Variants in ANTXR2 observed in about 807,000 individuals in gnomAD.
ANTXR2 encodes the protein anthrax toxin receptor 2.
Under a neutral mutation model 73.7 loss-of-function variants are expected in ANTXR2, and 44 were observed. That is an observed-to-expected ratio of 0.60 (90% confidence interval 0.47 to 0.77). ANTXR2 has a LOEUF of 0.77. ANTXR2 is among the 30% of genes least tolerant of loss of function. The probability of loss-of-function intolerance (pLI) is 0.00; values close to 1 mark genes in which losing one functional copy is unlikely to be tolerated. For synonymous variants in ANTXR2, 217 were observed against 205.9 expected, an observed-to-expected ratio of 1.05 and a Z score of -0.46; for missense variants, 604 against 592.5, an observed-to-expected ratio of 1.02 and a Z score of -0.20.
At chr4:80,029,631 G>A (rs1255755693) in intron 10 of ANTXR2, among the ~76,000 whole-genome samples, 1 of 151,722 alleles carries the variant, frequency 6.6e-6, no homozygotes, top group Non-Finnish European at 1.5e-5. Flanking sequence ...AATTGGCTTT[G>A]GAGAAAAAAT....
chr4:79,979,751 G>A (rs1017760945), intron 14 of ANTXR2, among the ~76,000 whole-genome samples: 2 of 151,914 alleles, frequency 1.3e-5, no homozygotes, highest in East Asian at 1.9e-4. Context: ...TCATCACCTG[G>A]ATAAACTAAC....
intron 12 of ANTXR2, among the ~76,000 whole-genome samples, chr4:80,000,058 A>G (rs1334404327): frequency 2.6e-5 from 4 of 152,096 alleles, no homozygotes; most frequent in Non-Finnish European, 5.9e-5. Context: ...TTGGAAGAAA[A>G]AAGAAAGATA....
chr4:80,031,883 T>C (rs942551476), intron 9 of ANTXR2, among the ~76,000 whole-genome samples, 191 bp from the exon 10 acceptor site: 24 of 151,738 alleles, frequency 1.6e-4, no homozygotes, highest in African/African-American at 4.8e-4. Context: ...CATTGACATA[T>C]AGTGTTGGTA....
At chr4:80,044,595 C>G (rs950774308) in intron 7 of ANTXR2, among the ~76,000 whole-genome samples, 1 of 151,852 alleles carries the variant, frequency 6.6e-6, no homozygotes, top group Non-Finnish European at 1.5e-5. Context: ...AGAGAAACAT[C>G]TATGAGCTAG....
chr4:79,984,907 G>T, intron 12 of ANTXR2, 44 bp from the exon 13 acceptor site: 1 of 1,446,362 alleles, frequency 6.9e-7, no homozygotes, highest in Non-Finnish European at 9.5e-7. Flanking sequence ...GGCATAGAGA[G>T]GAGATAGTAA....
intron 14 of ANTXR2, among the ~76,000 whole-genome samples, chr4:79,978,875 G>GT (rs1729761226): frequency 6.6e-6 from 1 of 152,144 alleles, no homozygotes; most frequent in South Asian, 2.1e-4. Context: ...TGAACATTTA[G>GT]TTTTTGAAAG....
In ANTXR2 at chr4:79,983,953, C is replaced by T; in HGVS notation, c.1104G>A (p.Leu368=). 1 of 1,598,332 alleles carries T rather than the reference C, an allele frequency of 6.3e-7. No homozygotes were observed. The highest frequency in any genetic ancestry group is 1.2e-5 in the South Asian group (1 of 86,920). The change falls in exon 14 of 17, where the codon TTG becomes TTA. Residue 368 remains leucine (L), a synonymous_variant. Coordinates refer to ENST00000403729, the MANE Select transcript of ANTXR2 (RefSeq NM_058172.6). ...CCACAGTTGGCCACTTTTTAGTAGG[C>T]AAAGGTTCTTCTTCCTCCTGTGGAA... ...PAPKEEEEEP[L]PTKKWPTVDA...
intron 10 of ANTXR2, among the ~76,000 whole-genome samples, chr4:80,020,383 C>CAA (rs1168048199): frequency 7.0e-6 from 1 of 142,806 alleles, no homozygotes; most frequent in Non-Finnish European, 1.5e-5. Context: ...GAGACTCTGT[C>CAA]AAAAAAAAAA....
intron 10 of ANTXR2, among the ~76,000 whole-genome samples, chr4:80,030,019 C>A (rs1441857918): frequency 6.6e-6 from 1 of 151,916 alleles, no homozygotes; most frequent in Non-Finnish European, 1.5e-5. Flanking sequence ...ATAAAATAAT[C>A]TGTTTTAACA....
At chr4:80,014,431 C>T (rs1008885488) in intron 11 of ANTXR2, among the ~76,000 whole-genome samples, 4 of 151,678 alleles carry the variant, frequency 2.6e-5, no homozygotes, top group Middle Eastern at 3.4e-3. Flanking sequence ...CTGGGTGTGG[C>T]GGCACACACC....
chr4:79,997,277 T>C (rs924183293), intron 12 of ANTXR2, among the ~76,000 whole-genome samples: 1 of 151,724 alleles, frequency 6.6e-6, no homozygotes, highest in African/African-American at 2.4e-5. Context: ...AAAAAAGATA[T>C]TGTACAATGA....
chr4:80,054,385 G>A (rs1183528597), intron 6 of ANTXR2, 33 bp from the exon 7 acceptor site: 2 of 1,440,506 alleles, frequency 1.4e-6, no homozygotes, highest in Non-Finnish European at 1.9e-6. Flanking sequence ...TAATTAAGGA[G>A]TGGCTGACAC....
rs566954903 is a variant in ANTXR2 at position 80,029,148 on chromosome 4, C to T, written c.866+2475G>A. On this transcript the variant is annotated intron_variant, in intron 10 of 16. Coordinates refer to ENST00000403729, the MANE Select transcript of ANTXR2 (RefSeq NM_058172.6). ...TGTATCTCCTGGGTATTTAACCTAT[C>T]TACAAATAATTAAAGTGTATCACTA... 2.0e-5 allele frequency among the ~76,000 whole-genome samples: 3 copies of T among 152,200 alleles called. No homozygotes were observed. The South Asian group carries it at 6.2e-4, about 31-fold the overall frequency.
At chr4:80,060,608 C>A (rs1734200396) in intron 3 of ANTXR2, among the ~76,000 whole-genome samples, 1 of 152,164 alleles carries the variant, frequency 6.6e-6, no homozygotes, top group Non-Finnish European at 1.5e-5. Context: ...ATATCTCCCC[C>A]ATGGGGCCAC....
chr4:80,015,068 A>T (rs1468294424), intron 11 of ANTXR2, among the ~76,000 whole-genome samples: 1 of 152,064 alleles, frequency 6.6e-6, no homozygotes, highest in East Asian at 1.9e-4. Context: ...ATTAACTCTA[A>T]ATTGTCCCAT....
chr4:79,971,866 C>T (rs1435912737), intron 16 of ANTXR2, among the ~76,000 whole-genome samples: 3 of 14,770 alleles, frequency 2.0e-4, no homozygotes, highest in Admixed American at 1.4e-3. Context: ...TGGGCAAGGA[C>T]TTCATGTCCA....
At chr4:80,005,290 G>C (rs949397801) in intron 12 of ANTXR2, among the ~76,000 whole-genome samples, 5 of 152,082 alleles carry the variant, frequency 3.3e-5, no homozygotes, top group African/African-American at 1.2e-4. Context: ...TCAGTTGAAA[G>C]ATTAGATTTA....
At chr4:80,072,362 C>G (rs1734838201) in intron 1 of ANTXR2, 47 bp downstream of exon 1, 1 of 1,518,646 alleles carries the variant, frequency 6.6e-7, no homozygotes, top group African/African-American at 1.4e-5. Flanking sequence ...CCAGCTGATC[C>G]AGTGCCGCCC....
intron 16 of ANTXR2, among the ~76,000 whole-genome samples, chr4:79,926,979 G>GTGCATTTATGTGTATATATACACA (rs1297326048): frequency 1.1e-4 from 5 of 43,730 alleles, no homozygotes; most frequent in African/African-American, 2.1e-4. Flanking sequence ...GTATATATAC[G>GTGCATTTATGTGTATATATACACA]TGTGCATATA....
Sources: allele counts gnomAD v4.1 joint callset (sites outside exome capture counted in the v4.1 genomes callset), GRCh38; gene constraint gnomAD v4.1.1; transcripts MANE v1.5; gene names NCBI Gene and HGNC (gene_info 2026-07-23, HGNC 2026-07-21).